Variants in GALNT13 observed in about 807,000 individuals in gnomAD.
GALNT13 encodes the protein polypeptide N-acetylgalactosaminyltransferase 13, also known as UDP-GalNAc:polypeptide N-acetylgalactosaminyltransferase 13.
A neutral mutation model predicts 64.2 loss-of-function variants in GALNT13; 28 were observed. The ratio of observed to expected loss-of-function variants is 0.44; its 90% CI spans 0.32 to 0.60. The LOEUF is 0.60. Ranked by LOEUF, GALNT13 falls within the 20% of genes least tolerant of loss-of-function variation. GALNT13 has a pLI of 0.05. For synonymous variants in GALNT13, 214 were observed against 224.6 expected (o/e 0.95, Z 0.42); for missense variants, 577 against 669.8 (o/e 0.86, Z 1.53).
the GALNT13 span, among the ~76,000 whole-genome samples, chr2:153,605,955 G>C: frequency 6.6e-6 from 1 of 151,990 alleles, no homozygotes; most frequent in Non-Finnish European, 1.5e-5. Context: ...GATGCTGTGA[G>C]GGTCCTTGTG....
chr2:154,142,977 T>C (rs1019593393), intron 4 of GALNT13, among the ~76,000 whole-genome samples: 1 of 152,174 alleles, frequency 6.6e-6, no homozygotes, highest in Non-Finnish European at 1.5e-5. Flanking sequence ...TGTTTAAACA[T>C]TGCATTTATT....
intron 2 of GALNT13, among the ~76,000 whole-genome samples, chr2:153,918,572 A>G (rs1689547386): frequency 6.6e-6 from 1 of 152,048 alleles, no homozygotes; most frequent in African/African-American, 2.4e-5. Context: ...CTACTAACTT[A>G]CCAGTGTCCC....
chr2:153,202,374 A>C, the GALNT13 span, among the ~76,000 whole-genome samples: 1 of 152,238 alleles, frequency 6.6e-6, no homozygotes. Context: ...GGTGTGCCTT[A>C]GAATTCACAG....
intron 4 of GALNT13, among the ~76,000 whole-genome samples, chr2:154,160,738 G>A (rs923721267): frequency 5.3e-5 from 8 of 152,112 alleles, no homozygotes; most frequent in African/African-American, 1.7e-4. Flanking sequence ...CCATCACTTG[G>A]CTTAAGAGAT....
chr2:153,628,993 G>A, the GALNT13 span, among the ~76,000 whole-genome samples: 1 of 152,034 alleles, frequency 6.6e-6, no homozygotes, highest in Non-Finnish European at 1.5e-5. Flanking sequence ...TTTTTGGTTG[G>A]TAAGCTATTA....
At chr2:153,168,227 A>G in the GALNT13 span, among the ~76,000 whole-genome samples, 1 of 152,346 alleles carries the variant, frequency 6.6e-6, no homozygotes, top group East Asian at 1.9e-4. Context: ...TTGTCAGAGT[A>G]TAGAACAGAG....
At chr2:153,251,152 CA>C in the GALNT13 span, among the ~76,000 whole-genome samples, 1 of 152,104 alleles carries the variant, frequency 6.6e-6, no homozygotes, top group Admixed American at 6.6e-5. Context: ...AATGCATTGC[CA>C]AATATGAAAT....
the GALNT13 span, among the ~76,000 whole-genome samples, chr2:153,144,434 C>T: frequency 2.0e-5 from 3 of 151,980 alleles, no homozygotes; most frequent in African/African-American, 7.2e-5. Context: ...CTTCTTAAGT[C>T]TTCTTGGGCT....
intron 8 of GALNT13, among the ~76,000 whole-genome samples, chr2:154,291,511 G>A (rs551593491): frequency 1.0e-3 from 153 of 152,294 alleles, no homozygotes; most frequent in Non-Finnish European, 1.6e-3. Flanking sequence ...GGGACTTTGC[G>A]GCACCTAGCC....
At chr2:153,268,899 G>A in the GALNT13 span, among the ~76,000 whole-genome samples, 1 of 152,160 alleles carries the variant, frequency 6.6e-6, no homozygotes, top group South Asian at 2.1e-4. Context: ...GGAACCCAAG[G>A]CACCAGTCCT....
chr2:153,840,627 A>G, the GALNT13 span, among the ~76,000 whole-genome samples: 1 of 152,192 alleles, frequency 6.6e-6, no homozygotes, highest in Non-Finnish European at 1.5e-5. Context: ...AAGGCAGAGC[A>G]TAAGTAAACC....
intron 7 of GALNT13, among the ~76,000 whole-genome samples, chr2:154,255,639 A>G (rs1033352523): frequency 6.6e-6 from 1 of 152,160 alleles, no homozygotes; most frequent in Admixed American, 6.5e-5. Context: ...GCCATGAGGA[A>G]GACACATTTT....
At chr2:153,480,573 A>G in the GALNT13 span, among the ~76,000 whole-genome samples, 2 of 152,286 alleles carry the variant, frequency 1.3e-5, no homozygotes, top group South Asian at 2.1e-4. Context: ...TTAATAATTG[A>G]TAAGTAAGAA....
At chr2:153,217,228 T>A in the GALNT13 span, among the ~76,000 whole-genome samples, 2,602 of 152,196 alleles carry the variant, frequency 0.017, 79 homozygotes, top group African/African-American at 0.059. Context: ...TATCAGACAT[T>A]GTTTCCTCTC....
At chr2:153,435,127 A>G in the GALNT13 span, among the ~76,000 whole-genome samples, 2 of 152,146 alleles carry the variant, frequency 1.3e-5, no homozygotes, top group Non-Finnish European at 2.9e-5. Flanking sequence ...TTTGTCAAAG[A>G]TCTTATAGTT....
intron 9 of GALNT13, among the ~76,000 whole-genome samples, chr2:154,356,892 C>T (rs918974534): frequency 4.0e-5 from 6 of 151,808 alleles, no homozygotes; most frequent in Non-Finnish European, 8.8e-5. Flanking sequence ...TTATGTCTTC[C>T]ACTAGACTAG....
chr2:153,662,764 G>T, the GALNT13 span, among the ~76,000 whole-genome samples: 26,067 of 152,056 alleles, frequency 0.17, 2,774 homozygotes, highest in Non-Finnish European at 0.23. Flanking sequence ...ACTATTTACT[G>T]TGAATGAAGC....
intron 11 of GALNT13, among the ~76,000 whole-genome samples, chr2:154,416,930 A>G (rs1323550621): frequency 6.6e-6 from 1 of 152,182 alleles, no homozygotes; most frequent in East Asian, 1.9e-4. Flanking sequence ...TTTCAAACTC[A>G]GTGTGTCTAT....
At chr2:154,323,934 T>G (rs914711827) in intron 9 of GALNT13, among the ~76,000 whole-genome samples, 12 of 152,090 alleles carry the variant, frequency 7.9e-5, no homozygotes, top group African/African-American at 2.9e-4. Flanking sequence ...ATCTCCCAGG[T>G]GCCAATTAAC....
Sources: gnomAD v4.1 joint callset for allele counts (sites outside exome capture counted in the v4.1 genomes callset) on GRCh38, gnomAD v4.1.1 for gene constraint, MANE v1.5 for transcripts, NCBI Gene and HGNC (gene_info 2026-07-23, HGNC 2026-07-21) for gene names.